Variants in WWOX observed in about 807,000 individuals in gnomAD.
WWOX encodes the protein WW domain containing oxidoreductase, also known as WW domain-containing oxidoreductase.
WWOX carries 69 observed loss-of-function variants against 46.2 expected under a neutral mutation model. That is an observed-to-expected ratio of 1.49 (90% CI 1.23 to 1.82). The LOEUF is 1.82. Among genes scored for constraint, WWOX ranks in the 40% most tolerant of loss-of-function variants. WWOX has a pLI of 0.00. For missense variants in WWOX, 919 were observed against 542.6 expected (o/e 1.69, Z -6.89); for synonymous variants, 359 against 202.6 (o/e 1.77, Z -6.56).
chr16:79,041,063 A>G (rs994966423), intron 8 of WWOX, among the ~76,000 whole-genome samples: 14 of 151,964 alleles, frequency 9.2e-5, no homozygotes, highest in Admixed American at 7.2e-4. Context: ...AAGCAGAAAC[A>G]TGGCCAGAAT....
intron 5 of WWOX, among the ~76,000 whole-genome samples, chr16:78,323,069 C>G (rs2080522454): frequency 6.6e-6 from 1 of 152,154 alleles, no homozygotes; most frequent in South Asian, 2.1e-4. Context: ...ACAGGCGTTC[C>G]TTACCTACAG....
At chr16:78,236,920 C>G (rs2037459372) in intron 5 of WWOX, among the ~76,000 whole-genome samples, 1 of 151,786 alleles carries the variant, frequency 6.6e-6, no homozygotes, top group Admixed American at 6.6e-5. Context: ...ACTAAAAATA[C>G]AAAAGTTAGC....
intron 8 of WWOX, among the ~76,000 whole-genome samples, chr16:78,628,142 T>A (rs965268689): frequency 1.3e-5 from 2 of 152,126 alleles, no homozygotes; most frequent in African/African-American, 4.8e-5. Flanking sequence ...TCTGCTTCCT[T>A]TGTTGGAGGT....
intron 8 of WWOX, among the ~76,000 whole-genome samples, chr16:79,190,692 C>T (rs865933863): frequency 1.3e-5 from 2 of 152,174 alleles, no homozygotes; most frequent in Admixed American, 6.5e-5. Context: ...CTGCCAACTA[C>T]AGTTCATGGA....
intron 8 of WWOX, among the ~76,000 whole-genome samples, chr16:78,816,641 C>T (rs1245048044): frequency 1.3e-5 from 2 of 148,924 alleles, no homozygotes; most frequent in Non-Finnish European, 3.0e-5. Flanking sequence ...GTAGCTGTGT[C>T]ACATTAAAAG....
At position 78,664,394 on chromosome 16, in the gene WWOX, G is replaced by A. The variant is rs563150370; in HGVS notation, c.1056+231642G>A. ...TGACTGCCCACGTAGGAAGTGGCAG[G>A]TTGGAGAAAAAGCAGTCACAGCTCC... On this transcript the variant is annotated intron_variant, in intron 8 of 8. Transcript: ENST00000566780. 2.0e-4 allele frequency among the ~76,000 whole-genome samples: 31 copies of A among 152,266 alleles called. 1 individual carries two copies. The highest frequency in any genetic ancestry group is 6.5e-5 in the Admixed American group (1 of 15,306).
At chr16:78,978,499 C>G (rs2046616488) in intron 8 of WWOX, among the ~76,000 whole-genome samples, 1 of 152,178 alleles carries the variant, frequency 6.6e-6, no homozygotes, top group Non-Finnish European at 1.5e-5. Context: ...CCAACTCTGT[C>G]AGTCTATTCT....
At chr16:78,878,478 G>A (rs982216511) in intron 8 of WWOX, among the ~76,000 whole-genome samples, 1 of 152,056 alleles carries the variant, frequency 6.6e-6, no homozygotes, top group Non-Finnish European at 1.5e-5. Context: ...AGGGCTTGGG[G>A]GAGCATCAAA....
intron 8 of WWOX, among the ~76,000 whole-genome samples, chr16:79,011,935 T>C (rs998260541): frequency 6.6e-6 from 1 of 152,224 alleles, no homozygotes; most frequent in Non-Finnish European, 1.5e-5. Context: ...ATTTCAGGCA[T>C]GAGCCACTGT....
intron 5 of WWOX, among the ~76,000 whole-genome samples, chr16:78,384,449 A>G (rs2082019261): frequency 6.6e-6 from 1 of 152,168 alleles, no homozygotes; most frequent in South Asian, 2.1e-4. Context: ...TAATCATCAG[A>G]TAAATATCAG....
chr16:78,290,650 G>A (rs1461622147), intron 5 of WWOX, among the ~76,000 whole-genome samples: 3 of 151,802 alleles, frequency 2.0e-5, no homozygotes, highest in Non-Finnish European at 4.4e-5. Flanking sequence ...TCGGACTTTA[G>A]TCCATTCCGT....
intron 8 of WWOX, among the ~76,000 whole-genome samples, chr16:78,567,998 C>G (rs756348832): frequency 6.6e-6 from 1 of 152,126 alleles, no homozygotes; most frequent in East Asian, 1.9e-4. Flanking sequence ...AAATCTAGAG[C>G]CTCTGTTCAC....
At chr16:78,583,516 T>C (rs887046391) in intron 8 of WWOX, among the ~76,000 whole-genome samples, 3 of 152,156 alleles carry the variant, frequency 2.0e-5, no homozygotes, top group African/African-American at 7.2e-5. Context: ...AAATGTAATG[T>C]GGGATTGTAG....
intron 5 of WWOX, among the ~76,000 whole-genome samples, chr16:78,291,517 G>A (rs1026366968): frequency 5.3e-5 from 8 of 152,150 alleles, no homozygotes; most frequent in Non-Finnish European, 1.0e-4. Context: ...GGCAGGACTG[G>A]GAACCTGGGA....
chr16:79,026,154 C>G (rs570787887), intron 8 of WWOX, among the ~76,000 whole-genome samples: 4 of 151,658 alleles, frequency 2.6e-5, no homozygotes, highest in African/African-American at 7.3e-5. Context: ...CCACTCGCTT[C>G]TTTAAGTTTC....
chr16:78,103,533 G>A (rs909575941), intron 1 of WWOX, among the ~76,000 whole-genome samples: 3 of 152,034 alleles, frequency 2.0e-5, no homozygotes, highest in Non-Finnish European at 4.4e-5. Flanking sequence ...AATTCTTTGG[G>A]TGTTAGCTTA....
chr16:79,166,927 A>C (rs1473510275), intron 8 of WWOX, among the ~76,000 whole-genome samples: 1 of 151,674 alleles, frequency 6.6e-6, no homozygotes, highest in Non-Finnish European at 1.5e-5. Context: ...GTAAATTTCA[A>C]CTTCATCATA....
At chr16:78,933,605 G>C (rs1023417596) in intron 8 of WWOX, among the ~76,000 whole-genome samples, 1 of 152,260 alleles carries the variant, frequency 6.6e-6, no homozygotes, top group Admixed American at 6.5e-5. Context: ...ACCCGAGACT[G>C]GGCAATTTAC....
At chr16:79,202,414 C>T (rs1034463389) in intron 8 of WWOX, among the ~76,000 whole-genome samples, 3 of 152,160 alleles carry the variant, frequency 2.0e-5, no homozygotes, top group Non-Finnish European at 4.4e-5. Flanking sequence ...CGTCGAGATT[C>T]TTTTGCTAGA....
Sources: allele counts gnomAD v4.1 joint callset (sites outside exome capture counted in the v4.1 genomes callset), GRCh38; gene constraint gnomAD v4.1.1; transcripts MANE v1.5; gene names NCBI Gene and HGNC (gene_info 2026-07-23, HGNC 2026-07-21).